Variants in HSD17B6 observed in about 807,000 individuals in gnomAD.
The protein encoded by HSD17B6 is 17-beta-hydroxysteroid dehydrogenase type 6.
Under a neutral mutation model 26.4 loss-of-function variants are expected in HSD17B6, and 16 were observed. The observed-to-expected ratio is 0.61, with a 90% confidence interval of 0.41 to 0.92. The LOEUF is 0.92. HSD17B6 is among the 40% of genes least tolerant of loss of function. The probability of loss-of-function intolerance (pLI) is 0.00; values close to 1 mark genes in which losing one functional copy is unlikely to be tolerated. For synonymous variants in HSD17B6, 139 were observed against 153.0 expected (o/e 0.91, Z 0.68); for missense variants, 357 against 386.1 (o/e 0.92, Z 0.63).
chr12:56,771,206 C>A (rs1369848560), intron 1 of HSD17B6, among the ~76,000 whole-genome samples: 1 of 152,166 alleles, frequency 6.6e-6, no homozygotes, highest in African/African-American at 2.4e-5. Flanking sequence ...CTTCTGTTCC[C>A]CTCTCCTTCC....
chr12:56,782,165 G>A lies in HSD17B6; in HGVS notation c.505G>A (p.Val169Ile). 1 of 1,614,208 alleles carries A rather than the reference G, an allele frequency of 6.2e-7. No homozygotes were observed. Among genetic ancestry groups the A allele is most frequent in the Non-Finnish European group, 8.5e-7 (1 of 1,180,032 alleles). The change falls in exon 3 of 5, where the codon GTT becomes ATT. Residue 169 changes from valine to isoleucine, a missense_variant. Physicochemically the swap from Val to Ile is conservative, Grantham distance 29. Transcript: ENST00000322165. Reference protein sequence around the residue: ...IVNVSSILGRVAFFVGGYCVS... With the variant: ...IVNVSSILGRIAFFVGGYCVS... ...CAATGTCTCCAGCATTCTGGGAAGA[G>A]TTGCTTTCTTTGTAGGAGGCTACTG...
chr12:56,765,466 A>G (rs1191397263), intron 1 of HSD17B6, among the ~76,000 whole-genome samples: 1 of 151,942 alleles, frequency 6.6e-6, no homozygotes, highest in East Asian at 1.9e-4. Context: ...AAAAACACAC[A>G]CACAAAAAAC....
In HSD17B6 at chr12:56,765,361, G is replaced by A. The variant is rs566658100; in HGVS notation, c.-20+1947G>A. On this transcript the variant is annotated intron_variant, in intron 1 of 4. Coordinates refer to ENST00000322165, the MANE Select transcript of HSD17B6 (RefSeq NM_003725.4). ...TAAGGCCGGAGGATCGCTGGAACCT[G>A]GGAGGCAGAGGTTGCAGTGAGCTGA... is the stretch of plus-strand genomic sequence containing the variant. Among the ~76,000 whole-genome samples the A allele has an allele frequency of 9.9e-5, 15 of 152,132 alleles. 1 individual carries two copies. The East Asian group carries it at 2.7e-3, about 28-fold the overall frequency.
rs1483227822 is a variant in HSD17B6, at chr12:56,787,308, C to T, written c.920C>T (p.Thr307Ile). The T allele has an allele frequency of 1.2e-6, 2 of 1,613,978 alleles. No homozygotes were observed. The highest frequency in any genetic ancestry group is 2.7e-5 in the African/African-American group (2 of 74,940). ...ACATCACTGGCAGACTACATTTTGA[C>T]TAGATCTTGGCCCAAACCAGCCCAG... ...LPTSLADYIL[T>I]RSWPKPAQAV The change falls in exon 5 of 5, where the codon ACT becomes ATT. Residue 307 changes from threonine to isoleucine, a missense_variant. Thr to Ile is a moderately conservative substitution (Grantham distance 89). Coordinates refer to ENST00000322165, the MANE Select transcript of HSD17B6 (RefSeq NM_003725.4).
intron 2 of HSD17B6, among the ~76,000 whole-genome samples, chr12:56,777,067 G>A (rs965182920): frequency 6.6e-6 from 1 of 152,072 alleles, no homozygotes; most frequent in African/African-American, 2.4e-5. Context: ...CTCACTCTAG[G>A]AGTTGCAAAG....
intron 2 of HSD17B6, among the ~76,000 whole-genome samples, chr12:56,780,428 C>T (rs1429152225): frequency 6.6e-6 from 1 of 152,192 alleles, no homozygotes; most frequent in Non-Finnish European, 1.5e-5. Context: ...TTTGCCCTGG[C>T]GTGCTTATAC....
chr12:56,782,451 G>C (rs928742360), intron 3 of HSD17B6, among the ~76,000 whole-genome samples: 13 of 152,040 alleles, frequency 8.6e-5, no homozygotes, highest in Non-Finnish European at 1.3e-4. Flanking sequence ...TTTGACCCAG[G>C]TCTTTGTCTT....
intron 1 of HSD17B6, among the ~76,000 whole-genome samples, chr12:56,769,184 C>T (rs1382760478): frequency 6.7e-6 from 1 of 149,012 alleles, no homozygotes; most frequent in Non-Finnish European, 1.5e-5. Context: ...CTTACTGCAA[C>T]CTCTGCCTCC....
chr12:56,786,105 T>A (rs778269000), intron 4 of HSD17B6: 26 of 231,368 alleles, frequency 1.1e-4, no homozygotes, highest in Non-Finnish European at 1.8e-4. Flanking sequence ...AAATTATTGA[T>A]TTGTACACTT....
chr12:56,773,726 A>G (rs12809466), intron 1 of HSD17B6, 108 bp from the exon 2 acceptor site: 73,826 of 1,069,036 alleles, frequency 0.069, 2,848 homozygotes, highest in African/African-American at 0.11. Flanking sequence ...GTATTAATCA[A>G]TAAAGAGTCC....
In HSD17B6 at chr12:56,773,930, C is replaced by T. The variant is rs1592362927; in HGVS notation, c.78C>T (p.His26=). ...ACCGGGAGAGGCAGGTGGTGAGCCACCTCCAAGACAAGTATGTCTTTATCA... is the reference window on the plus strand; with the variant it reads ...ACCGGGAGAGGCAGGTGGTGAGCCATCTCCAAGACAAGTATGTCTTTATCA... The part of the protein sequence containing the change: ...HWYRERQVVS[H]LQDKYVFITG... Residue 26 remains histidine, a synonymous_variant, in exon 2 of 5, where the codon CAC becomes CAT. Coordinates refer to ENST00000322165, the MANE Select transcript of HSD17B6 (RefSeq NM_003725.4). The T allele has an allele frequency of 3.7e-6, 6 of 1,613,958 alleles. No individual in the cohort carries two copies. Among genetic ancestry groups the T allele is most frequent in the Middle Eastern group, 3.3e-4 (2 of 6,062 alleles).
chr12:56,785,161 A>C (rs1954849585), intron 4 of HSD17B6, 145 bp downstream of exon 4: 2 of 838,362 alleles, frequency 2.4e-6, no homozygotes, highest in South Asian at 2.0e-5. Flanking sequence ...GGGAGTCCTC[A>C]GGAAACTTAT....
Position 56,784,993 on chromosome 12 carries a change from A to G in HSD17B6, c.713A>G (p.Tyr238Cys), listed in dbSNP as rs1448114796. ...GCCCCCAAGCATATTAAGGAGACCT[A>G]TGGACAGCAGTATTTTGATGCCCGT... ...KEAPKHIKET[Y>C]GQQYFDALYN... Residue 238 changes from tyrosine (Y) to cysteine (C), a missense_variant, in exon 4 of 5, where the codon TAT becomes TGT. Coordinates refer to ENST00000322165, the MANE Select transcript of HSD17B6 (RefSeq NM_003725.4). 1 of 1,613,322 alleles carries G rather than the reference A, an allele frequency of 6.2e-7. No individual in the cohort carries two copies. The highest frequency in any genetic ancestry group is 8.5e-7 in the Non-Finnish European group (1 of 1,179,876).
intron 1 of HSD17B6, 23 bp downstream of exon 1, chr12:56,763,437 TTG>T (rs35753038): frequency 0.18 from 24,744 of 135,870 alleles, 1,957 homozygotes; most frequent in African/African-American, 0.22. Flanking sequence ...GTAAGGGTGG[TTG>T]TGTGTGTGTG....
At chr12:56,783,410 A>G (rs1236884668) in intron 3 of HSD17B6, among the ~76,000 whole-genome samples, 1 of 117,548 alleles carries the variant, frequency 8.5e-6, no homozygotes, top group Non-Finnish European at 1.8e-5. Flanking sequence ...GGCCGGGCAG[A>G]GGGGCTCCTC....
At chr12:56,767,655 T>A (rs1039596944) in intron 1 of HSD17B6, among the ~76,000 whole-genome samples, 37 of 144,476 alleles carry the variant, frequency 2.6e-4, no homozygotes, top group African/African-American at 8.8e-4. Context: ...TTATATATAT[T>A]ATATATATAG....
intron 3 of HSD17B6, among the ~76,000 whole-genome samples, chr12:56,783,597 C>A (rs1954788438): frequency 7.0e-6 from 1 of 143,266 alleles, no homozygotes; most frequent in Admixed American, 6.7e-5. Context: ...GGGGCTGACC[C>A]CCCCACCTCC....
intron 1 of HSD17B6, chr12:56,770,473 T>C (rs929660972): frequency 5.2e-5 from 8 of 152,398 alleles, no homozygotes; most frequent in African/African-American, 1.9e-4. Flanking sequence ...CCTGGTTGCA[T>C]TGCTGATCCT....
chr12:56,774,127 C>A lies in HSD17B6; in HGVS notation c.275C>A (p.Ala92Glu). The A allele has an allele frequency of 1.3e-6, 2 of 1,596,058 alleles. No individual in the cohort carries two copies. Among genetic ancestry groups the A allele is most frequent in the South Asian group, 1.1e-5 (1 of 88,648 alleles). Residue 92 changes from alanine to glutamate, a missense_variant, in exon 2 of 5, where the codon GCA (alanine) becomes GAA (glutamate). Physicochemically the swap from Ala to Glu is moderately radical, Grantham distance 107. Coordinates refer to ENST00000322165, the MANE Select transcript of HSD17B6 (RefSeq NM_003725.4). ...LDVTKMESIA[A>E]ATQWVKEHVG... ...GTTACCAAGATGGAGAGCATCGCTG[C>A]AGCTACTCAGTGGGTGAAGGAGCAT...
Sources: gnomAD v4.1 joint callset for allele counts (sites outside exome capture counted in the v4.1 genomes callset) on GRCh38, gnomAD v4.1.1 for gene constraint, MANE v1.5 for transcripts, NCBI Gene and HGNC (gene_info 2026-07-23, HGNC 2026-07-21) for gene names.